Variants in KLF8 observed in about 807,000 individuals in gnomAD.
The protein encoded by KLF8 is Krueppel-like factor 8.
A neutral mutation model predicts 18.2 loss-of-function variants in KLF8; 10 were observed. The ratio of observed to expected loss-of-function variants is 0.55; its 90% CI spans 0.34 to 0.93. The LOEUF is 0.93. Ranked by LOEUF, KLF8 falls within the 40% of genes least tolerant of loss-of-function variation. The probability of loss-of-function intolerance (pLI) is 0.02; values close to 1 mark genes in which losing one functional copy is unlikely to be tolerated. For synonymous variants in KLF8, 109 were observed against 97.3 expected, an observed-to-expected ratio of 1.12 and a Z score of -0.71; for missense variants, 264 against 277.9, an observed-to-expected ratio of 0.95 and a Z score of 0.36.
the KLF8 span, among the ~76,000 whole-genome samples, chrX:56,125,739 G>A: frequency 2.7e-5 from 3 of 112,149 alleles, no homozygotes; most frequent in Non-Finnish European, 3.8e-5. Flanking sequence ...TTATGGGGAA[G>A]AGTGTAGAAT....
chrX:56,152,277 T>TA, the KLF8 span, among the ~76,000 whole-genome samples: 1 of 111,547 alleles, frequency 9.0e-6, no homozygotes, highest in Non-Finnish European at 1.9e-5. Context: ...TCATAGTGCA[T>TA]GGCAGATGGT....
At chrX:56,245,875 CA>C (rs375686091) in intron 1 of KLF8, among the ~76,000 whole-genome samples, 1 of 109,295 alleles carries the variant, frequency 9.1e-6, no homozygotes, top group Admixed American at 9.7e-5. Context: ...AATCCCTCTT[CA>C]AAAAAAAACA....
At chrX:56,140,654 T>G in the KLF8 span, among the ~76,000 whole-genome samples, 5 of 109,911 alleles carry the variant, frequency 4.5e-5, no homozygotes, top group Non-Finnish European at 9.5e-5. Flanking sequence ...TATTGAGTAC[T>G]ATGTTTATTA....
chrX:55,948,416 C>T, the KLF8 span, among the ~76,000 whole-genome samples: 1 of 111,619 alleles, frequency 9.0e-6, no homozygotes, highest in Non-Finnish European at 1.9e-5. Context: ...TATAGTTTGC[C>T]CACTCCTGTT....
the KLF8 span, among the ~76,000 whole-genome samples, chrX:56,154,642 G>T: frequency 1.8e-5 from 2 of 112,006 alleles, no homozygotes; most frequent in African/African-American, 3.2e-5. Context: ...CATAGCAAAA[G>T]AAACTACCAT....
the KLF8 span, among the ~76,000 whole-genome samples, chrX:56,054,760 C>G: frequency 1.8e-5 from 2 of 111,837 alleles, no homozygotes; most frequent in Non-Finnish European, 3.8e-5. Flanking sequence ...CTTTACGGAT[C>G]AGAGTACTCC....
upstream of KLF8, among the ~76,000 whole-genome samples, chrX:56,228,333 A>C (rs561709538): frequency 9.0e-6 from 1 of 111,549 alleles, no homozygotes; most frequent in South Asian, 3.8e-4. Context: ...CGGCCAATCT[A>C]GGTTTTGTGG....
intron 1 of KLF8, among the ~76,000 whole-genome samples, chrX:56,245,198 G>A (rs757081867): frequency 2.7e-5 from 3 of 111,995 alleles, no homozygotes; most frequent in Non-Finnish European, 5.6e-5. Flanking sequence ...TCTTAGGCCC[G>A]GGTCAGGGTT....
At chrX:56,239,284 T>C (rs1209507937) in intron 1 of KLF8, among the ~76,000 whole-genome samples, 1 of 112,458 alleles carries the variant, frequency 8.9e-6, no homozygotes, top group East Asian at 2.8e-4. Flanking sequence ...AGGGGACAGC[T>C]GTTGATCATC....
At chrX:55,941,687 C>T in the KLF8 span, among the ~76,000 whole-genome samples, 8 of 111,128 alleles carry the variant, frequency 7.2e-5, no homozygotes, top group Non-Finnish European at 1.1e-4. Flanking sequence ...AAAAACAACC[C>T]CAGCAAAAAG....
chrX:56,277,092 T>A (rs1183784713), intron 5 of KLF8, among the ~76,000 whole-genome samples: 1 of 112,094 alleles, frequency 8.9e-6, no homozygotes, highest in Non-Finnish European at 1.9e-5. Context: ...TTTCTTTGAG[T>A]CTCCTCAAAA....
At chrX:56,031,500 C>G in the KLF8 span, among the ~76,000 whole-genome samples, 1 of 111,968 alleles carries the variant, frequency 8.9e-6, no homozygotes, top group Non-Finnish European at 1.9e-5. Flanking sequence ...TCCCTGTGTT[C>G]AGCCACTGCT....
chrX:56,104,674 T>C, the KLF8 span, among the ~76,000 whole-genome samples: 2 of 111,633 alleles, frequency 1.8e-5, no homozygotes, highest in Non-Finnish European at 3.8e-5. Flanking sequence ...AGCTCCTGGA[T>C]TCATTGATTT....
At chrX:56,008,548 G>A in the KLF8 span, among the ~76,000 whole-genome samples, 6 of 112,080 alleles carry the variant, frequency 5.4e-5, no homozygotes, top group African/African-American at 1.9e-4. Flanking sequence ...CCCCTCATGA[G>A]CCCATGTCAC....
At chrX:56,186,070 C>A in the KLF8 span, among the ~76,000 whole-genome samples, 5 of 112,131 alleles carry the variant, frequency 4.5e-5, no homozygotes, top group South Asian at 3.7e-4. Context: ...AATTAAAAGA[C>A]ACAGACTGGC....
At chrX:56,033,637 C>A in the KLF8 span, among the ~76,000 whole-genome samples, 12 of 111,744 alleles carry the variant, frequency 1.1e-4, no homozygotes, top group African/African-American at 3.9e-4. Flanking sequence ...ACATTCCCAC[C>A]AACAGTATAC....
chrX:56,004,347 A>G, the KLF8 span, among the ~76,000 whole-genome samples: 4 of 112,299 alleles, frequency 3.6e-5, no homozygotes, highest in Non-Finnish European at 5.6e-5. Flanking sequence ...AGAAGAAAAC[A>G]GATGCCATTG....
At chrX:56,136,272 A>G in the KLF8 span, among the ~76,000 whole-genome samples, 5,337 of 111,182 alleles carry the variant, frequency 0.048, 333 homozygotes, top group African/African-American at 0.17. Context: ...TTCATATGGA[A>G]CCAAAAAAGA....
the KLF8 span, among the ~76,000 whole-genome samples, chrX:56,135,205 A>G: frequency 9.0e-6 from 1 of 111,400 alleles, no homozygotes; most frequent in Non-Finnish European, 1.9e-5. Flanking sequence ...TACTGGTTAT[A>G]TACCCAAAGG....
Sources: allele counts gnomAD v4.1 joint callset (sites outside exome capture counted in the v4.1 genomes callset), GRCh38; gene constraint gnomAD v4.1.1; transcripts MANE v1.5; gene names NCBI Gene and HGNC (gene_info 2026-07-23, HGNC 2026-07-21).